FHIP1A: variants seen among roughly 807,000 people sequenced by gnomAD.
FHIP1A encodes the protein FHF complex subunit HOOK-interacting protein 1A.
In FHIP1A, 61 loss-of-function variants were observed where a neutral mutation model predicts 88.6. That is an observed-to-expected ratio of 0.69 (90% confidence interval 0.56 to 0.85). The LOEUF (loss-of-function observed/expected upper bound fraction) is 0.85, where lower values mean the gene tolerates loss of function less well. Among genes scored for constraint, FHIP1A ranks in the 40% least tolerant of loss-of-function variants. FHIP1A has a pLI of 0.00. For synonymous variants in FHIP1A, 478 were observed against 496.0 expected (o/e 0.96, Z 0.48); for missense variants, 1,154 against 1,273.5 (o/e 0.91, Z 1.43).
intron 2 of FHIP1A, among the ~76,000 whole-genome samples, chr4:151,482,139 G>A (rs1427819379): frequency 2.6e-5 from 4 of 152,136 alleles, no homozygotes; most frequent in African/African-American, 7.2e-5. Flanking sequence ...AAAGTTTTTT[G>A]TGCTCCTTTC....
chr4:151,557,661 A>G (rs1733003593), intron 3 of FHIP1A, among the ~76,000 whole-genome samples: 1 of 152,174 alleles, frequency 6.6e-6, no homozygotes, highest in Admixed American at 6.5e-5. Flanking sequence ...CTCTGCTTGG[A>G]GGGGTGGCGG....
chr4:151,491,987 C>G (rs1052489955), intron 3 of FHIP1A, among the ~76,000 whole-genome samples: 1 of 152,028 alleles, frequency 6.6e-6, no homozygotes, highest in African/African-American at 2.4e-5. Context: ...AACACTGGAG[C>G]TCCCAAATGT....
chr4:151,546,628 A>T (rs778586935), intron 3 of FHIP1A, among the ~76,000 whole-genome samples: 2 of 152,314 alleles, frequency 1.3e-5, no homozygotes, highest in South Asian at 2.1e-4. Context: ...TCTTCCTAGT[A>T]GTGGAGACAT....
At chr4:151,498,672 G>A (rs1021692931) in intron 3 of FHIP1A, among the ~76,000 whole-genome samples, 18 of 152,090 alleles carry the variant, frequency 1.2e-4, no homozygotes, top group African/African-American at 1.7e-4. Flanking sequence ...AAAATTAGCC[G>A]CGCATGGTGG....
chr4:151,551,525 C>T (rs1732732713), intron 3 of FHIP1A, among the ~76,000 whole-genome samples: 2 of 152,126 alleles, frequency 1.3e-5, no homozygotes, highest in Admixed American at 1.3e-4. Flanking sequence ...TCAGAAATAA[C>T]ACCACACATC....
chr4:151,509,660 A>G (rs1468699402), intron 3 of FHIP1A, among the ~76,000 whole-genome samples: 1 of 152,124 alleles, frequency 6.6e-6, no homozygotes, highest in Non-Finnish European at 1.5e-5. Context: ...ATAGAAGGCT[A>G]GCTTTCAGGT....
chr4:151,439,236 G>A (rs1034980081), intron 1 of FHIP1A, among the ~76,000 whole-genome samples: 10 of 152,012 alleles, frequency 6.6e-5, no homozygotes, highest in African/African-American at 2.4e-4. Flanking sequence ...AGGATGGCTT[G>A]GCATTAAAAG....
rs997005275 is a variant in FHIP1A at position 151,602,787 on chromosome 4, G to A, written c.978+13861G>A. Among the ~76,000 whole-genome samples, 3 of 152,162 alleles carry A rather than the reference G, an allele frequency of 2.0e-5. No homozygotes were observed. The South Asian group carries it at 6.2e-4, about 31-fold the overall frequency. Reference sequence around the variant, plus strand: ...CCGCTTAGTGTGGACTGGCATTCTGGGTAGTGTGGTGATGAACAGAAGAAA... The same window carrying A: ...CCGCTTAGTGTGGACTGGCATTCTGAGTAGTGTGGTGATGAACAGAAGAAA... On this transcript the variant is annotated intron_variant, in intron 7 of 13. Coordinates refer to ENST00000435205, the MANE Select transcript of FHIP1A (RefSeq NM_001109977.3).
At chr4:151,560,974 T>A (rs1404666932) in intron 3 of FHIP1A, among the ~76,000 whole-genome samples, 1 of 152,174 alleles carries the variant, frequency 6.6e-6, no homozygotes, top group Non-Finnish European at 1.5e-5. Context: ...AATTTGAATA[T>A]TTTAATTTTT....
At chr4:151,523,470 C>G (rs1436328392) in intron 3 of FHIP1A, among the ~76,000 whole-genome samples, 1 of 152,094 alleles carries the variant, frequency 6.6e-6, no homozygotes, top group Non-Finnish European at 1.5e-5. Context: ...TTAGGGATCC[C>G]GAAGGGAATG....
At chr4:151,570,216 C>G (rs1264649327) in intron 4 of FHIP1A, among the ~76,000 whole-genome samples, 3 of 152,162 alleles carry the variant, frequency 2.0e-5, no homozygotes, top group Non-Finnish European at 2.9e-5. Context: ...CTAGCCACCC[C>G]CTCTCCTGGC....
Position 151,612,063 on chromosome 4 carries a change from A to G in FHIP1A, c.979-17639A>G, listed in dbSNP as rs1319224069. ...ATCTAGTTCCAGTTCCTCATTTTTC[A>G]GACAAAGGCATTGAGGACCAGAGAG... On this transcript the variant is annotated intron_variant, in intron 7 of 13. Transcript: ENST00000435205. Among the ~76,000 whole-genome samples the G allele has an allele frequency of 2.6e-5, 4 of 152,162 alleles. No individual in the cohort carries two copies. In the East Asian group the frequency reaches 7.7e-4, roughly 29 times the overall value.
chr4:151,656,355 C>T lies in FHIP1A; in HGVS notation c.2675C>T (p.Ser892Phe), dbSNP rs928570122. 6.4e-7 allele frequency: 1 copy of T among 1,551,716 alleles called. No homozygotes were observed. Among genetic ancestry groups the T allele is most frequent in the East Asian group, 2.4e-5 (1 of 40,924 alleles). Reference sequence around the variant, plus strand: ...AGCTACCCCCAGCCACTCCTGCGCTCCTTTCTGCTCAACACCAACATGGTC... The same window carrying T: ...AGCTACCCCCAGCCACTCCTGCGCTTCTTTCTGCTCAACACCAACATGGTC... ...LASYPQPLLR[S>F]FLLNTNMVFQ... is the part of the protein sequence containing the mutation. The change falls in exon 12 of 14, where the codon TCC becomes TTC. Residue 892 changes from serine (S) to phenylalanine (F), a missense_variant. Ser to Phe is a radical substitution (Grantham distance 155). Transcript: ENST00000435205. This position sits in a 1 kb window ranked among gnomAD's most constrained non-coding sequence, Gnocchi z 4.2.
At chr4:151,431,440 A>T (rs1733588085) in intron 1 of FHIP1A, among the ~76,000 whole-genome samples, 1 of 152,138 alleles carries the variant, frequency 6.6e-6, no homozygotes, top group African/African-American at 2.4e-5. Context: ...AGCTGGGGTC[A>T]TGTTATTTTG....
chr4:151,461,324 G>A (rs1448344742), intron 2 of FHIP1A, among the ~76,000 whole-genome samples: 1 of 152,130 alleles, frequency 6.6e-6, no homozygotes, highest in Non-Finnish European at 1.5e-5. Context: ...AATAGGAGAG[G>A]GCCAGGTTTC....
In FHIP1A at chr4:151,649,877, T is replaced by C; in HGVS notation, c.1836T>C (p.Asp612=). ...TTTCAGGCCCCCCAGCACCCATTGA[T>C]CCCCCCAAACACATCCAGGAGATGA... ...LEVSGPPAPI[D]PPKHIQEMKK... is the part of the protein sequence containing the mutation. Residue 612 remains aspartate, a synonymous_variant, in exon 11 of 14, where the codon GAT becomes GAC. Coordinates refer to ENST00000435205, the MANE Select transcript of FHIP1A (RefSeq NM_001109977.3). 6.4e-7 allele frequency: 1 copy of C among 1,551,070 alleles called. No homozygotes were observed. Among genetic ancestry groups the C allele is most frequent in the Non-Finnish European group, 8.7e-7 (1 of 1,146,868 alleles).
At chr4:151,648,040 G>A (rs1348740086) in intron 10 of FHIP1A, among the ~76,000 whole-genome samples, 1 of 152,186 alleles carries the variant, frequency 6.6e-6, no homozygotes. Flanking sequence ...CTCTGAGGTT[G>A]CCTTATAGCA....
At chr4:151,503,281 T>C (rs1730715134) in intron 3 of FHIP1A, among the ~76,000 whole-genome samples, 1 of 152,196 alleles carries the variant, frequency 6.6e-6, no homozygotes, top group Non-Finnish European at 1.5e-5. Flanking sequence ...TGAGGGTCCA[T>C]GTGACTCACT....
Position 151,577,964 on chromosome 4 carries a change from G to T in FHIP1A, c.620G>T (p.Arg207Leu). The change falls in exon 5 of 14, where the codon CGA (arginine) becomes CTA (leucine). Residue 207 changes from arginine to leucine, a missense_variant. Transcript: ENST00000435205. ...IFSLLIPFIH[R>L]EGSVGQQARD... ...TCCCTTCTGATTCCCTTCATTCACCGAGAGGGGTCAGTAGGCCAGCAAGCT... is the reference window on the plus strand; with the variant it reads ...TCCCTTCTGATTCCCTTCATTCACCTAGAGGGGTCAGTAGGCCAGCAAGCT... 1.3e-6 allele frequency: 2 copies of T among 1,551,302 alleles called. No individual in the cohort carries two copies. The highest frequency in any genetic ancestry group is 1.7e-6 in the Non-Finnish European group (2 of 1,146,952).
Sources: gnomAD v4.1 joint callset for allele counts (sites outside exome capture counted in the v4.1 genomes callset) on GRCh38, gnomAD v4.1.1 for gene constraint, Gnocchi (gnomAD v3.1) non-coding constraint, MANE v1.5 for transcripts, NCBI Gene and HGNC (gene_info 2026-07-23, HGNC 2026-07-21) for gene names.